ATXN1: variants seen among roughly 807,000 people sequenced by gnomAD.
The protein encoded by ATXN1 is ataxin-1.
Under a neutral mutation model 56.4 loss-of-function variants are expected in ATXN1, and 8 were observed. The observed-to-expected ratio is 0.14, with a 90% CI of 0.08 to 0.26. The LOEUF is 0.26. Among genes scored for constraint, ATXN1 ranks in the 10% least tolerant of loss-of-function variants. ATXN1 has a pLI of 1.00. For missense variants in ATXN1, 987 were observed against 1,106.5 expected, an observed-to-expected ratio of 0.89 and a Z score of 1.53; for synonymous variants, 514 against 494.6, an observed-to-expected ratio of 1.04 and a Z score of -0.52.
chr6:16,575,393 G>A (rs548241574), intron 4 of ATXN1, among the ~76,000 whole-genome samples: 97 of 152,296 alleles, frequency 6.4e-4, no homozygotes, highest in Non-Finnish European at 1.2e-3. Context: ...CTGCTGCAGG[G>A]AAGAGTCATT....
At chr6:16,685,104 T>C (rs140574425) in intron 2 of ATXN1, among the ~76,000 whole-genome samples, 131 of 152,234 alleles carry the variant, frequency 8.6e-4, no homozygotes, top group Non-Finnish European at 1.5e-3. Flanking sequence ...ACTTGTTACT[T>C]ACTATGTGGG....
At chr6:16,335,996 C>T (rs1221756878) in intron 6 of ATXN1, among the ~76,000 whole-genome samples, 3 of 152,174 alleles carry the variant, frequency 2.0e-5, no homozygotes, top group African/African-American at 7.2e-5. Flanking sequence ...TGTTTTAAGC[C>T]ACGATATGTT....
intron 6 of ATXN1, among the ~76,000 whole-genome samples, chr6:16,380,466 C>T (rs1758078744): frequency 6.6e-6 from 1 of 151,052 alleles, no homozygotes; most frequent in African/African-American, 2.5e-5. Context: ...AAGGAACTGG[C>T]ATCCATGTGA....
At chr6:16,402,242 GTTTTTTTTTTTTTTTTTTTTTTTT>G (rs58048762) in intron 6 of ATXN1, among the ~76,000 whole-genome samples, 14 of 62,120 alleles carry the variant, frequency 2.3e-4, no homozygotes, top group African/African-American at 9.3e-4. Context: ...ACCACTGACA[GTTTTTTTTTTTTTTTTTTTTTTTT>G]TTTTTTTTTT....
chr6:16,673,091 C>A (rs926919124), intron 2 of ATXN1, among the ~76,000 whole-genome samples: 1 of 151,692 alleles, frequency 6.6e-6, no homozygotes, highest in African/African-American at 2.4e-5. Flanking sequence ...TCTCTAGAGT[C>A]CCTACAGAGA....
chr6:16,554,948 C>T (rs998120380), intron 4 of ATXN1, among the ~76,000 whole-genome samples: 1 of 152,152 alleles, frequency 6.6e-6, no homozygotes, highest in South Asian at 2.1e-4. Context: ...ACAGGATACA[C>T]GAGTCCCCAC....
At chr6:16,596,675 A>T (rs545818529) in intron 3 of ATXN1, among the ~76,000 whole-genome samples, 1 of 152,246 alleles carries the variant, frequency 6.6e-6, no homozygotes, top group South Asian at 2.1e-4. Context: ...CTCCACTTCA[A>T]ATTCCTCTGG....
At chr6:16,651,798 T>C (rs941648578) in intron 3 of ATXN1, among the ~76,000 whole-genome samples, 19 of 152,100 alleles carry the variant, frequency 1.2e-4, no homozygotes, top group African/African-American at 3.1e-4. Flanking sequence ...GTGTGCAGAG[T>C]TGATGAGGAC....
At chr6:16,660,655 G>C (rs1009494644) in intron 2 of ATXN1, among the ~76,000 whole-genome samples, 11 of 151,864 alleles carry the variant, frequency 7.2e-5, no homozygotes, top group African/African-American at 2.7e-4. Context: ...ACATGTATTT[G>C]AATGTTTCAA....
At chr6:16,614,507 T>C (rs1304776794) in intron 3 of ATXN1, among the ~76,000 whole-genome samples, 4 of 151,784 alleles carry the variant, frequency 2.6e-5, no homozygotes, top group African/African-American at 9.7e-5. Context: ...GGTTTTCTCT[T>C]AAATATTCTG....
At chr6:16,502,288 C>A (rs1261631432) in intron 5 of ATXN1, among the ~76,000 whole-genome samples, 1 of 152,186 alleles carries the variant, frequency 6.6e-6, no homozygotes, top group Non-Finnish European at 1.5e-5. Context: ...TAGAATCTAT[C>A]TAAATTTGCA....
At chr6:16,451,034 A>T (rs1379883115) in intron 6 of ATXN1, among the ~76,000 whole-genome samples, 1 of 152,258 alleles carries the variant, frequency 6.6e-6, no homozygotes, top group Non-Finnish European at 1.5e-5. Flanking sequence ...ATTACTAATC[A>T]TGAATCATTC....
At chr6:16,340,719 C>G (rs1036716265) in intron 6 of ATXN1, among the ~76,000 whole-genome samples, 3 of 152,098 alleles carry the variant, frequency 2.0e-5, no homozygotes, top group Non-Finnish European at 4.4e-5. Context: ...TTAAATAGGC[C>G]AAGTAATAAA....
At chr6:16,700,666 C>T (rs949652346) in intron 2 of ATXN1, among the ~76,000 whole-genome samples, 4 of 152,108 alleles carry the variant, frequency 2.6e-5, no homozygotes, top group Middle Eastern at 3.2e-3. Context: ...CTAACCGCCA[C>T]CCACAGACCT....
intron 7 of ATXN1, among the ~76,000 whole-genome samples, chr6:16,318,183 A>G (rs1045697391): frequency 2.6e-5 from 4 of 152,248 alleles, no homozygotes; most frequent in African/African-American, 9.6e-5. Flanking sequence ...TCTGTTGTTT[A>G]AATATGTCTC....
At chr6:16,544,824 G>T (rs1190170979) in intron 4 of ATXN1, among the ~76,000 whole-genome samples, 1 of 152,128 alleles carries the variant, frequency 6.6e-6, no homozygotes, top group Non-Finnish European at 1.5e-5. Flanking sequence ...AGGAGTTTTC[G>T]AAAGGACAAA....
chr6:16,596,644 A>G (rs1762821127), intron 3 of ATXN1, among the ~76,000 whole-genome samples: 1 of 152,194 alleles, frequency 6.6e-6, no homozygotes, highest in Admixed American at 6.5e-5. Flanking sequence ...GTCCTTAATG[A>G]GGGACCAATT....
chr6:16,489,306 A>G (rs1760611512), intron 5 of ATXN1, among the ~76,000 whole-genome samples: 1 of 152,176 alleles, frequency 6.6e-6, no homozygotes, highest in Non-Finnish European at 1.5e-5. Context: ...TCACCAGTCT[A>G]CAGCTATGCT....
intron 7 of ATXN1, among the ~76,000 whole-genome samples, chr6:16,325,204 A>G (rs940548238): frequency 3.4e-5 from 5 of 149,088 alleles, no homozygotes; most frequent in Non-Finnish European, 7.4e-5. Context: ...TGCAATCCCC[A>G]CCTCCCGGGT....
Sources: gnomAD v4.1 joint callset for allele counts (sites outside exome capture counted in the v4.1 genomes callset) on GRCh38, gnomAD v4.1.1 for gene constraint, MANE v1.5 for transcripts, NCBI Gene and HGNC (gene_info 2026-07-23, HGNC 2026-07-21) for gene names.